Variants in POC1B observed in about 807,000 individuals in gnomAD.
POC1B encodes the protein POC1 centriolar protein homolog B.
A neutral mutation model predicts 60.6 loss-of-function variants in POC1B; 44 were observed. The ratio of observed to expected loss-of-function variants is 0.73; its 90% CI spans 0.57 to 0.93. The LOEUF (loss-of-function observed/expected upper bound fraction) is 0.93. Among genes scored for constraint, POC1B ranks in the 40% least tolerant of loss-of-function variants. The pLI, the probability that POC1B is intolerant of heterozygous loss-of-function variation, is 0.00. For missense variants in POC1B, 555 were observed against 572.3 expected, an observed-to-expected ratio of 0.97 and a Z score of 0.31; for synonymous variants, 180 against 198.9, an observed-to-expected ratio of 0.90 and a Z score of 0.80.
At chr12:89,472,778 G>A (rs533887061) in intron 4 of POC1B, 1 of 153,746 alleles carries the variant, frequency 6.5e-6, no homozygotes, top group South Asian at 2.0e-4. Context: ...AACTGCCCAT[G>A]CCTGTAACTT....
chr12:89,455,425 C>T (rs903615261), intron 10 of POC1B, among the ~76,000 whole-genome samples: 3 of 152,192 alleles, frequency 2.0e-5, no homozygotes, highest in Non-Finnish European at 4.4e-5. Context: ...TTAATGATTT[C>T]CTCTGAATAC....
intron 10 of POC1B, among the ~76,000 whole-genome samples, chr12:89,432,821 T>C (rs1881094614): frequency 6.6e-6 from 1 of 152,236 alleles, no homozygotes; most frequent in African/African-American, 2.4e-5. Context: ...AAGCTGGGTC[T>C]AGAAATATAA....
At chr12:89,496,751 A>C (rs1240484026) in intron 3 of POC1B, among the ~76,000 whole-genome samples, 1 of 152,140 alleles carries the variant, frequency 6.6e-6, no homozygotes, top group African/African-American at 2.4e-5. Context: ...GAGTGATACA[A>C]ATCAAATCAA....
chr12:89,525,206 T>C lies in POC1B; in HGVS notation c.16-2A>G, dbSNP rs1238731854. On this transcript the variant is annotated splice_acceptor_variant, in intron 1 of 11. Transcript: ENST00000313546. LOFTEE classifies it high-confidence loss of function. The stretch of plus-strand genomic sequence containing the variant: ...ATAACGCTCCAGAACGGGGTCCTCC[T>C]GGAAAGGAAAGTTGTCAAGTTTTGA... The C allele has an allele frequency of 1.2e-6, 2 of 1,606,112 alleles. No individual in the cohort carries two copies. Among genetic ancestry groups the C allele is most frequent in the Non-Finnish European group, 1.7e-6 (2 of 1,176,318 alleles).
At chr12:89,403,964 C>G in the POC1B span, among the ~76,000 whole-genome samples, 2 of 152,092 alleles carry the variant, frequency 1.3e-5, no homozygotes, top group African/African-American at 4.8e-5. Flanking sequence ...GAAACCCTGT[C>G]TCTACTAAAA....
intron 9 of POC1B, 178 bp downstream of exon 9, chr12:89,466,592 T>C: frequency 1.9e-6 from 1 of 517,698 alleles, no homozygotes; most frequent in Non-Finnish European, 3.2e-6. Context: ...TTCTGGGCCT[T>C]CAAGAAACAA....
rs148879613 is a variant in POC1B at position 89,461,457 on chromosome 12, T to C, written c.1033-1739A>G. Among the ~76,000 whole-genome samples the C allele has an allele frequency of 2.0e-5, 3 of 152,238 alleles. No homozygotes were observed. The East Asian group carries it at 5.8e-4, about 29-fold the overall frequency. On this transcript the variant is annotated intron_variant, in intron 9 of 11. Coordinates refer to ENST00000313546, the MANE Select transcript of POC1B (RefSeq NM_172240.3). Reference sequence around the variant, plus strand: ...AAGGAATTTGGGAAGGCACAGAAAGTTGGAAGCTACAATGTGCTGAATTGA... The same window carrying C: ...AAGGAATTTGGGAAGGCACAGAAAGCTGGAAGCTACAATGTGCTGAATTGA...
At chr12:89,481,361 A>G (rs564908271) in intron 4 of POC1B, among the ~76,000 whole-genome samples, 1 of 152,306 alleles carries the variant, frequency 6.6e-6, no homozygotes, top group East Asian at 1.9e-4. Flanking sequence ...ATATGAAGCA[A>G]CTGTTTTTAG....
At chr12:89,447,921 G>A (rs1881853025) in intron 10 of POC1B, among the ~76,000 whole-genome samples, 1 of 151,958 alleles carries the variant, frequency 6.6e-6, no homozygotes, top group South Asian at 2.1e-4. Flanking sequence ...CTGAGTCTGA[G>A]GAGCCCTGAA....
intron 7 of POC1B, among the ~76,000 whole-genome samples, 197 bp downstream of exon 7, chr12:89,470,164 G>A (rs1246377875): frequency 6.6e-6 from 1 of 152,038 alleles, no homozygotes; most frequent in Non-Finnish European, 1.5e-5. Flanking sequence ...GAGCCACCAC[G>A]CCCAGCCACA....
chr12:89,470,961 T>C (rs1045918177), intron 6 of POC1B, among the ~76,000 whole-genome samples: 28 of 152,154 alleles, frequency 1.8e-4, no homozygotes, highest in Non-Finnish European at 3.1e-4. Flanking sequence ...AACACAATGA[T>C]CAAAAGTTAA....
chr12:89,423,039 C>A (rs921538797), intron 11 of POC1B, among the ~76,000 whole-genome samples: 3 of 152,202 alleles, frequency 2.0e-5, no homozygotes, highest in Non-Finnish European at 4.4e-5. Flanking sequence ...GGGTCTTAGT[C>A]TGTCACCCAG....
intron 2 of POC1B, among the ~76,000 whole-genome samples, chr12:89,514,132 G>A (rs1401505364): frequency 1.3e-5 from 2 of 152,110 alleles, no homozygotes; most frequent in African/African-American, 4.8e-5. Context: ...GGCCTGGAGG[G>A]ACATGATTGG....
intron 2 of POC1B, among the ~76,000 whole-genome samples, chr12:89,514,787 T>G (rs1355055627): frequency 6.6e-6 from 1 of 152,038 alleles, no homozygotes; most frequent in African/African-American, 2.4e-5. Context: ...AAAATCCACA[T>G]GCTTCAGGTC....
chr12:89,502,369 C>T, intron 2 of POC1B: 1 of 1,604,794 alleles, frequency 6.2e-7, no homozygotes, highest in Non-Finnish European at 8.5e-7. Flanking sequence ...CTGGCGAGGA[C>T]AGCAAATAGA....
intron 10 of POC1B, among the ~76,000 whole-genome samples, chr12:89,434,406 AT>A (rs1355984317): frequency 6.6e-6 from 1 of 152,218 alleles, no homozygotes; most frequent in Non-Finnish European, 1.5e-5. Context: ...TTTAATCTTT[AT>A]TATAATCTCT....
intron 10 of POC1B, among the ~76,000 whole-genome samples, chr12:89,439,154 T>C (rs928709339): frequency 2.0e-5 from 3 of 152,226 alleles, no homozygotes; most frequent in East Asian, 3.8e-4. Context: ...CTGGTTTCCA[T>C]GTGTCTCTTC....
Position 89,525,842 on chromosome 12 carries a change from T to C in POC1B, c.15+39A>G, listed in dbSNP as rs776290265. The stretch of plus-strand genomic sequence containing the variant: ...TGGCCCCGCAGCCCGCGGGACAGGC[T>C]CCAGGGAGGGACCCCCCCCACCTCC... On this transcript the variant is annotated intron_variant, in intron 1 of 11. Coordinates refer to ENST00000313546, the MANE Select transcript of POC1B (RefSeq NM_172240.3). 2.1e-6 allele frequency: 3 copies of C among 1,411,106 alleles called. 1 individual carries two copies. Among genetic ancestry groups the C allele is most frequent in the Admixed American group, 6.1e-5 (2 of 32,986 alleles). The allele number at this position is 1,411,106 out of a possible 1,614,324, so 87.4% of individuals were successfully genotyped here.
chr12:89,433,963 A>C (rs1344908812), intron 10 of POC1B, among the ~76,000 whole-genome samples: 1 of 152,240 alleles, frequency 6.6e-6, no homozygotes, highest in African/African-American at 2.4e-5. Context: ...TTCAATTCTT[A>C]ACATTCTTGA....
Sources: gnomAD v4.1 joint callset for allele counts (sites outside exome capture counted in the v4.1 genomes callset) on GRCh38, gnomAD v4.1.1 for gene constraint, MANE v1.5 for transcripts, NCBI Gene and HGNC (gene_info 2026-07-23, HGNC 2026-07-21) for gene names.